MYRIP: variants seen among roughly 807,000 people sequenced by gnomAD.
MYRIP encodes myosin VIIA and Rab interacting protein.
A neutral mutation model predicts 98.0 loss-of-function variants in MYRIP; 49 were observed. The ratio of observed to expected loss-of-function variants is 0.50; its 90% CI spans 0.40 to 0.63. The LOEUF is 0.63. Among genes scored for constraint, MYRIP ranks in the 30% least tolerant of loss-of-function variants. The probability of loss-of-function intolerance (pLI) is 0.00; values close to 1 mark genes in which losing one functional copy is unlikely to be tolerated. For synonymous variants in MYRIP, 404 were observed against 409.5 expected (o/e 0.99, Z 0.16); for missense variants, 1,004 against 1,058.2 (o/e 0.95, Z 0.71).
chr3:40,174,528 G>A (rs1469911906), intron 8 of MYRIP: 1 of 152,186 alleles, frequency 6.6e-6, no homozygotes, highest in Non-Finnish European at 1.5e-5. Flanking sequence ...TTTTCCCTTT[G>A]AGAAGCTGCT....
chr3:40,136,271 T>A (rs1365851110), intron 3 of MYRIP, among the ~76,000 whole-genome samples: 1 of 151,732 alleles, frequency 6.6e-6, no homozygotes, highest in East Asian at 1.9e-4. Context: ...CCGACAAAGA[T>A]CAAAAGAGAC....
chr3:40,225,904 G>T (rs911179108), intron 11 of MYRIP, among the ~76,000 whole-genome samples: 1 of 152,086 alleles, frequency 6.6e-6, no homozygotes, highest in Admixed American at 6.5e-5. Context: ...ACCCCTTTGT[G>T]CTCAAACATG....
chr3:39,856,178 T>C (rs1942288331), intron 1 of MYRIP, among the ~76,000 whole-genome samples: 1 of 152,240 alleles, frequency 6.6e-6, no homozygotes, highest in African/African-American at 2.4e-5. Flanking sequence ...GTTTTTGGCC[T>C]GTTTCACAGA....
chr3:40,126,874 C>T (rs1347591070), intron 3 of MYRIP, among the ~76,000 whole-genome samples: 1 of 152,192 alleles, frequency 6.6e-6, no homozygotes, highest in African/African-American at 2.4e-5. Context: ...GCTGAGCAGT[C>T]GGTTGGGTGA....
chr3:39,836,337 T>G (rs1941624990), intron 1 of MYRIP, among the ~76,000 whole-genome samples: 1 of 152,238 alleles, frequency 6.6e-6, no homozygotes, highest in African/African-American at 2.4e-5. Flanking sequence ...ATTTCTCTAA[T>G]GAACAGTGAT....
intron 2 of MYRIP, among the ~76,000 whole-genome samples, chr3:39,976,272 C>G (rs868449369): frequency 6.6e-6 from 1 of 152,184 alleles, no homozygotes; most frequent in Non-Finnish European, 1.5e-5. Flanking sequence ...GACATTTATG[C>G]AGCCAAAAGA....
chr3:40,055,799 CA>C (rs1236704451), intron 3 of MYRIP, among the ~76,000 whole-genome samples: 1 of 152,134 alleles, frequency 6.6e-6, no homozygotes, highest in East Asian at 1.9e-4. Flanking sequence ...CTACTCTGGC[CA>C]GTCTTGGACC....
intron 3 of MYRIP, among the ~76,000 whole-genome samples, chr3:40,066,925 A>G (rs190044534): frequency 6.6e-6 from 1 of 152,334 alleles, no homozygotes; most frequent in Admixed American, 6.5e-5. Context: ...GTTTAAATTT[A>G]AAAGCTGGTA....
intron 16 of MYRIP, among the ~76,000 whole-genome samples, chr3:40,255,642 T>C (rs1034856343): frequency 6.6e-6 from 1 of 152,188 alleles, no homozygotes; most frequent in Non-Finnish European, 1.5e-5. Flanking sequence ...TGTTTAAATT[T>C]TGATAAAATA....
chr3:40,126,028 G>A (rs1949520359), intron 3 of MYRIP, among the ~76,000 whole-genome samples: 1 of 152,142 alleles, frequency 6.6e-6, no homozygotes. Context: ...CATGCTGTCA[G>A]GGCTGAAGGA....
At chr3:40,167,118 A>C (rs775017929) in intron 6 of MYRIP, 41 bp from the exon 7 acceptor site, 2 of 1,602,292 alleles carry the variant, frequency 1.2e-6, no homozygotes, top group Middle Eastern at 1.7e-4. Context: ...AAGTCACCCC[A>C]AATCCACCCA....
Position 40,170,244 on chromosome 3 carries a change from C to T in MYRIP, c.873+151C>T, listed in dbSNP as rs1410689079. 22 of 985,406 alleles carry T rather than the reference C, an allele frequency of 2.2e-5. No individual in the cohort carries two copies. In the Admixed American group the frequency reaches 2.8e-4, roughly 13 times the overall value. 61.0% of individuals were successfully genotyped at this position (985,406 alleles called of 1,614,324 possible). A position where few individuals can be genotyped will look rare whatever the true frequency, so the allele number is the denominator to read the frequency against. On this transcript the variant is annotated intron_variant, in intron 8 of 16. Transcript: ENST00000302541. Reference sequence around the variant, plus strand: ...ATTGAAAGAGAAAGTGAGTGTGAGTCGGGGGCCAGGAAGGGTAAGAGAGGA... The same window carrying T: ...ATTGAAAGAGAAAGTGAGTGTGAGTTGGGGGCCAGGAAGGGTAAGAGAGGA...
chr3:40,055,262 G>A (rs992143711), intron 3 of MYRIP, among the ~76,000 whole-genome samples: 9 of 152,074 alleles, frequency 5.9e-5, no homozygotes, highest in African/African-American at 1.9e-4. Flanking sequence ...AACTACTTCT[G>A]AAAATATAAT....
At position 40,233,904 on chromosome 3, in the gene MYRIP, AAAGTCATC is replaced by A; in HGVS notation, c.1954_1961del (p.Val652CysfsTer21). ...CTGCAACATCTCCACAGAAGTCCTG[AAAGTCATC>A]AATGCCACAGAGGAGTTGATAGCAG... On this transcript the variant is annotated frameshift_variant, in exon 12 of 17. Transcript: ENST00000302541. LOFTEE classifies it high-confidence loss of function. The A allele has an allele frequency of 6.2e-7, 1 of 1,613,612 alleles. No individual in the cohort carries two copies. The highest frequency in any genetic ancestry group is 8.5e-7 in the Non-Finnish European group (1 of 1,179,854).
chr3:39,892,275 G>A lies in MYRIP; in HGVS notation c.-30-8512G>A, dbSNP rs115711085. ...AAATCAGGCGAGGTTGTGGGATGGA[G>A]ATGAGTAGGGATGGCATACTGAAAC... On this transcript the variant is annotated intron_variant, in intron 1 of 16. Coordinates refer to ENST00000302541, the MANE Select transcript of MYRIP (RefSeq NM_015460.4). 4.2e-3 allele frequency among the ~76,000 whole-genome samples: 633 copies of A among 152,194 alleles called. 4 individuals are homozygous for A. The highest frequency in any genetic ancestry group is 0.014 in the Middle Eastern group (4 of 294).
At chr3:40,213,470 G>T (rs1020631801) in intron 11 of MYRIP, among the ~76,000 whole-genome samples, 1 of 152,138 alleles carries the variant, frequency 6.6e-6, no homozygotes, top group African/African-American at 2.4e-5. Flanking sequence ...CATGCTGTGG[G>T]TCTGTAACTA....
At chr3:39,865,366 C>T (rs1310916549) in intron 1 of MYRIP, among the ~76,000 whole-genome samples, 2 of 151,550 alleles carry the variant, frequency 1.3e-5, no homozygotes, top group Non-Finnish European at 2.9e-5. Flanking sequence ...AACAGAGTAA[C>T]AGAGTAAACA....
At chr3:40,137,387 C>A (rs557555543) in intron 3 of MYRIP, among the ~76,000 whole-genome samples, 1,666 of 152,174 alleles carry the variant, frequency 0.011, 22 homozygotes, top group African/African-American at 0.036. Flanking sequence ...TTGTGGCAAT[C>A]ATCAATAGCT....
Position 39,873,951 on chromosome 3 carries a change from T to C in MYRIP, c.-30-26836T>C, listed in dbSNP as rs1221860809. On this transcript the variant is annotated intron_variant, in intron 1 of 16. Transcript: ENST00000302541. ...GGGCAGTATGGCCATTTTCATGATATTGATTCTTCCTACCCATGAGCATGG... is the reference window on the plus strand; with the variant it reads ...GGGCAGTATGGCCATTTTCATGATACTGATTCTTCCTACCCATGAGCATGG... 7.5e-3 allele frequency among the ~76,000 whole-genome samples: 1,139 copies of C among 151,740 alleles called. 12 individuals are homozygous for C. The highest frequency in any genetic ancestry group is 0.026 in the African/African-American group (1,082 of 41,082).
Sources: allele counts gnomAD v4.1 joint callset (sites outside exome capture counted in the v4.1 genomes callset), GRCh38; gene constraint gnomAD v4.1.1; transcripts MANE v1.5; gene names NCBI Gene and HGNC (gene_info 2026-07-23, HGNC 2026-07-21).